CZIB: variants seen among roughly 807,000 people sequenced by gnomAD.
CZIB encodes the protein CXXC motif containing zinc binding protein, also known as UPF0587 protein C1orf123.
In CZIB, 26 loss-of-function variants were observed where a neutral mutation model predicts 28.3. The ratio of observed to expected loss-of-function variants is 0.92; its 90% CI spans 0.67 to 1.27. CZIB has a LOEUF of 1.27. CZIB is among the 50% of genes most tolerant of loss of function. The pLI is 0.00. For synonymous variants in CZIB, 78 were observed against 71.1 expected, an observed-to-expected ratio of 1.10 and a Z score of -0.49; for missense variants, 179 against 197.3, an observed-to-expected ratio of 0.91 and a Z score of 0.56.
Position 53,214,441 on chromosome 1 carries a change from A to T in CZIB, c.*218T>A. On this transcript the variant is annotated 3_prime_UTR_variant, in exon 8 of 8. Transcript: ENST00000294360. Reference sequence around the variant, plus strand: ...ACGAATTCTTATTTGTGGAGGGAGTAGCTGCCTCCTTACTTCACCTTCATG... The same window carrying T: ...ACGAATTCTTATTTGTGGAGGGAGTTGCTGCCTCCTTACTTCACCTTCATG... The T allele has an allele frequency of 1.9e-6, 1 of 512,834 alleles. No homozygotes were observed. The highest frequency in any genetic ancestry group is 3.5e-6 in the Non-Finnish European group (1 of 286,476). The allele number at this position is 512,834 out of a possible 1,614,324, so 31.8% of individuals were successfully genotyped here.
At chr1:53,220,406 C>A (rs1645515252) in intron 1 of CZIB, 62 bp from the exon 2 acceptor site, 1 of 1,589,596 alleles carries the variant, frequency 6.3e-7, no homozygotes, top group Non-Finnish European at 8.6e-7. Flanking sequence ...GCCTGCCCGA[C>A]CCTCCCGCAT....
At chr1:53,220,395 C>T (rs753713672) in intron 1 of CZIB, 51 bp from the exon 2 acceptor site, 15 of 1,596,218 alleles carry the variant, frequency 9.4e-6, no homozygotes, top group African/African-American at 2.7e-5. Flanking sequence ...CGCAGCCCCA[C>T]GCCTGCCCGA....
At position 53,214,594 on chromosome 1, in the gene CZIB, G is replaced by A; in HGVS notation, c.*65C>T. 3.5e-6 allele frequency: 5 copies of A among 1,423,128 alleles called. No homozygotes were observed. Among genetic ancestry groups the A allele is most frequent in the Non-Finnish European group, 4.9e-6 (5 of 1,012,074 alleles). 88.2% of individuals were successfully genotyped at this position (1,423,128 alleles called of 1,614,324 possible). On this transcript the variant is annotated 3_prime_UTR_variant, in exon 8 of 8. Coordinates refer to ENST00000294360, the MANE Select transcript of CZIB (RefSeq NM_017887.3). ...AGGGTCAAAGGAACGAGCCTCTGTG[G>A]GCTCTGCTGCTTAGAGTACTTTGTC...
In CZIB at chr1:53,214,595, G is replaced by A. The variant is rs1208159563; in HGVS notation, c.*64C>T. On this transcript the variant is annotated 3_prime_UTR_variant, in exon 8 of 8. Coordinates refer to ENST00000294360, the MANE Select transcript of CZIB (RefSeq NM_017887.3). ...GGGTCAAAGGAACGAGCCTCTGTGG[G>A]CTCTGCTGCTTAGAGTACTTTGTCC... 3 of 1,428,858 alleles carry A rather than the reference G, an allele frequency of 2.1e-6. No homozygotes were observed. The highest frequency in any genetic ancestry group is 1.7e-5 in the Admixed American group (1 of 57,870). 88.5% of individuals were successfully genotyped at this position (1,428,858 alleles called of 1,614,324 possible).
chr1:53,218,453 C>T lies in CZIB; in HGVS notation c.190G>A (p.Val64Ile), dbSNP rs1645488586. 6.2e-7 allele frequency: 1 copy of T among 1,614,200 alleles called. No individual in the cohort carries two copies. The part of the protein sequence containing the change: ...LKGGRGSASM[V>I]QKCKLCAREN... ...CTTGCACACAGCTTGCACTTCTGGA[C>T]CATGGAAGCACTGCCACGGCCCCCC... Residue 64 changes from valine to isoleucine, a missense_variant, in exon 4 of 8, where the codon GTC (valine) becomes ATC (isoleucine). Coordinates refer to ENST00000294360, the MANE Select transcript of CZIB (RefSeq NM_017887.3).
intron 6 of CZIB, among the ~76,000 whole-genome samples, chr1:53,216,544 C>T (rs1198356044): frequency 1.3e-5 from 2 of 152,310 alleles, no homozygotes; most frequent in South Asian, 2.1e-4. Flanking sequence ...CAGTTCCTTC[C>T]TCATCTGAAG....
chr1:53,218,368 G>A, intron 4 of CZIB, 46 bp downstream of exon 4: 1 of 1,607,124 alleles, frequency 6.2e-7, no homozygotes, highest in Non-Finnish European at 8.5e-7. Context: ...GTGCCAGGAA[G>A]CTGTGGGCCA....
chr1:53,216,691 T>G (rs1372806291), intron 6 of CZIB, 91 bp downstream of exon 6: 1 of 1,166,636 alleles, frequency 8.6e-7, no homozygotes, highest in Non-Finnish European at 1.3e-6. Context: ...GAATGTCTAG[T>G]CCATGGTATC....
intron 5 of CZIB, 54 bp downstream of exon 5, chr1:53,218,118 A>G (rs1488662428): frequency 2.5e-6 from 4 of 1,585,616 alleles, no homozygotes; most frequent in Non-Finnish European, 3.5e-6. Context: ...CAGACCTACT[A>G]ACTCCAGTTA....
Position 53,218,462 on chromosome 1 carries a change from C to T in CZIB, c.181G>A (p.Ala61Thr), listed in dbSNP as rs145124211. 3 of 1,614,194 alleles carry T rather than the reference C, an allele frequency of 1.9e-6. No homozygotes were observed. Among genetic ancestry groups the T allele is most frequent in the Non-Finnish European group, 1.7e-6 (2 of 1,180,028 alleles). The change falls in exon 4 of 8, where the codon GCT becomes ACT. Residue 61 changes from alanine (A) to threonine (T), a missense_variant. Coordinates refer to ENST00000294360, the MANE Select transcript of CZIB (RefSeq NM_017887.3). ...SVALKGGRGS[A>T]SMVQKCKLCA... The stretch of plus-strand genomic sequence containing the variant: ...AGCTTGCACTTCTGGACCATGGAAG[C>T]ACTGCCACGGCCCCCCTTCAGTGCC...
rs1056425 is a variant in CZIB at position 53,214,418 on chromosome 1, G to A, written c.*241C>T. On this transcript the variant is annotated 3_prime_UTR_variant, in exon 8 of 8. Coordinates refer to ENST00000294360, the MANE Select transcript of CZIB (RefSeq NM_017887.3). The stretch of plus-strand genomic sequence containing the variant: ...CCTAAGGAGTGAACTGCTGCTGCAC[G>A]AATTCTTATTTGTGGAGGGAGTAGC... 141,442 of 486,566 alleles carry A rather than the reference G, an allele frequency of 0.29. 23,146 individuals carry two copies. Among genetic ancestry groups the A allele is most frequent in the East Asian group, 0.45 (14,416 of 31,870 alleles). 30.1% of individuals were successfully genotyped at this position (486,566 alleles called of 1,614,324 possible). A position where few individuals can be genotyped will look rare whatever the true frequency, so the allele number is the denominator to read the frequency against.
intron 5 of CZIB, chr1:53,217,619 T>C (rs1645482704): frequency 6.5e-6 from 1 of 153,918 alleles, no homozygotes; most frequent in African/African-American, 2.4e-5. Context: ...TCCACTAGAT[T>C]ATTATGTACG....
Position 53,214,561 on chromosome 1 carries a change from A to G in CZIB, c.*98T>C. 2.0e-6 allele frequency: 2 copies of G among 992,844 alleles called. No homozygotes were observed. The highest frequency in any genetic ancestry group is 2.8e-5 in the South Asian group (2 of 71,914). 61.5% of individuals were successfully genotyped at this position (992,844 alleles called of 1,614,324 possible). A position where few individuals can be genotyped will look rare whatever the true frequency, so the allele number is the denominator to read the frequency against. On this transcript the variant is annotated 3_prime_UTR_variant, in exon 8 of 8. Transcript: ENST00000294360. ...ATTGTGAAGGTTTCGTATAGCCACC[A>G]GGAGACAAGGGTCAAAGGAACGAGC...
Position 53,214,715 on chromosome 1 carries a change from T to C in CZIB, c.427A>G (p.Lys143Glu), listed in dbSNP as rs1346467944. ...QEKDWTDYDE[K>E]AQESVGIYEV... ...TAGATTCCCACAGACTCCTGGGCCT[T>C]TTCATCATAGTCAGTCCAGTCCTGG... The change falls in exon 8 of 8, where the codon AAG becomes GAG. Residue 143 changes from lysine to glutamate, a missense_variant. By Grantham distance (56) the Lys-to-Glu change is moderately conservative. Coordinates refer to ENST00000294360, the MANE Select transcript of CZIB (RefSeq NM_017887.3). The C allele has an allele frequency of 1.2e-6, 2 of 1,613,922 alleles. No homozygotes were observed. The highest frequency in any genetic ancestry group is 2.7e-5 in the African/African-American group (2 of 74,904).
intron 5 of CZIB, chr1:53,217,095 C>T: frequency 2.1e-6 from 1 of 478,948 alleles, no homozygotes; most frequent in East Asian, 3.6e-5. Context: ...GGTCAACCTG[C>T]CTGGATGTAA....
At position 53,218,476 on chromosome 1, in the gene CZIB, C is replaced by A; in HGVS notation, c.167G>T (p.Gly56Val). 6.2e-7 allele frequency: 1 copy of A among 1,614,194 alleles called. No individual in the cohort carries two copies. Among genetic ancestry groups the A allele is most frequent in the African/African-American group, 1.3e-5 (1 of 75,052 alleles). Reference sequence around the variant, plus strand: ...GACCATGGAAGCACTGCCACGGCCCCCCTTCAGTGCCACACTGTCCTGGCA... The same window carrying A: ...GACCATGGAAGCACTGCCACGGCCCACCTTCAGTGCCACACTGTCCTGGCA... ...IRLMDSVALKGGRGSASMVQK... is the reference protein window; with the variant it reads ...IRLMDSVALKVGRGSASMVQK... Residue 56 changes from glycine (G) to valine (V), a missense_variant, in exon 4 of 8, where the codon GGG (glycine) becomes GTG (valine). By Grantham distance (109) the Gly-to-Val change is moderately radical. Transcript: ENST00000294360.
chr1:53,218,028 T>G (rs1314315645), intron 5 of CZIB, 144 bp downstream of exon 5: 1 of 860,860 alleles, frequency 1.2e-6, no homozygotes, highest in Non-Finnish European at 1.8e-6. Flanking sequence ...AGTGGATAAA[T>G]GACTGAGTCA....
chr1:53,220,614 C>T lies in CZIB; in HGVS notation c.-39G>A, dbSNP rs1386771746. Reference sequence around the variant, plus strand: ...GCCCGGTGCTGGCTGCGGCCCTTGCCGTTGCTTTCCGGCGCGTCGTAAAAG... The same window carrying T: ...GCCCGGTGCTGGCTGCGGCCCTTGCTGTTGCTTTCCGGCGCGTCGTAAAAG... On this transcript the variant is annotated 5_prime_UTR_variant, in exon 1 of 8. Coordinates refer to ENST00000294360, the MANE Select transcript of CZIB (RefSeq NM_017887.3). 3 of 1,591,314 alleles carry T rather than the reference C, an allele frequency of 1.9e-6. No individual in the cohort carries two copies. Among genetic ancestry groups the T allele is most frequent in the East Asian group, 2.2e-5 (1 of 44,482 alleles).
chr1:53,218,100 C>G, intron 5 of CZIB, 72 bp downstream of exon 5: 2 of 1,523,936 alleles, frequency 1.3e-6, no homozygotes, highest in East Asian at 2.3e-5. Flanking sequence ...AGGCATGACT[C>G]TAGAACCCAG....
Sources: gnomAD v4.1 joint callset for allele counts (sites outside exome capture counted in the v4.1 genomes callset) on GRCh38, gnomAD v4.1.1 for gene constraint, MANE v1.5 for transcripts, NCBI Gene and HGNC (gene_info 2026-07-23, HGNC 2026-07-21) for gene names.